Variants in SEMA3E observed in about 807,000 individuals in gnomAD.
SEMA3E encodes the protein semaphorin-3E.
SEMA3E carries 49 observed loss-of-function variants against 93.6 expected under a neutral mutation model. That is an observed-to-expected ratio of 0.52 (90% CI 0.42 to 0.66). The LOEUF is 0.66. Ranked by LOEUF, SEMA3E falls within the 30% of genes least tolerant of loss-of-function variation. The pLI, the probability that SEMA3E is intolerant of heterozygous loss-of-function variation, is 0.00. For synonymous variants in SEMA3E, 363 were observed against 330.7 expected (o/e 1.10, Z -1.06); for missense variants, 906 against 964.8 (o/e 0.94, Z 0.81).
chr7:83,545,815 T>TTATATA (rs145965702), intron 1 of SEMA3E, among the ~76,000 whole-genome samples: 101 of 145,432 alleles, frequency 6.9e-4, no homozygotes, highest in Middle Eastern at 3.6e-3. Context: ...ATATCCAGTA[T>TTATATA]TATATATATA....
rs946062849 is a variant in SEMA3E at position 83,391,829 on chromosome 7, G to A, written c.1667+726C>T. On this transcript the variant is annotated intron_variant, in intron 14 of 16. Transcript: ENST00000643230. ...CAAACTGTTTTTCAGTAAGAAAATT[G>A]TCTATACTTCTATTGTTTGCTTTAT... Among the ~76,000 whole-genome samples the A allele has an allele frequency of 2.6e-5, 4 of 152,092 alleles. No individual in the cohort carries two copies. In the East Asian group the frequency reaches 7.7e-4, roughly 29 times the overall value.
At chr7:83,561,506 A>G (rs1247085005) in intron 1 of SEMA3E, among the ~76,000 whole-genome samples, 1 of 152,086 alleles carries the variant, frequency 6.6e-6, no homozygotes, top group Non-Finnish European at 1.5e-5. Flanking sequence ...TTCCTCTGGC[A>G]GAAAACTTTG....
chr7:83,513,764 T>C (rs949336371), intron 1 of SEMA3E, among the ~76,000 whole-genome samples: 9 of 152,170 alleles, frequency 5.9e-5, no homozygotes, highest in Admixed American at 1.3e-4. Flanking sequence ...GGTTTTCAAA[T>C]ATTAATAAAT....
chr7:83,527,256 C>T (rs915528698), intron 1 of SEMA3E, among the ~76,000 whole-genome samples: 2 of 152,104 alleles, frequency 1.3e-5, no homozygotes, highest in African/African-American at 2.4e-5. Context: ...TAATTTTGGA[C>T]TTCCAGCCTC....
At chr7:83,566,494 T>A (rs1479978317) in intron 1 of SEMA3E, among the ~76,000 whole-genome samples, 1 of 152,170 alleles carries the variant, frequency 6.6e-6, no homozygotes, top group Non-Finnish European at 1.5e-5. Flanking sequence ...TATACAATTT[T>A]TAATATGACC....
intron 1 of SEMA3E, among the ~76,000 whole-genome samples, chr7:83,577,224 A>G (rs549884652): frequency 1.3e-5 from 2 of 152,324 alleles, no homozygotes; most frequent in African/African-American, 4.8e-5. Flanking sequence ...AAACAGATAG[A>G]TAGATAGACA....
intron 1 of SEMA3E, among the ~76,000 whole-genome samples, chr7:83,583,012 T>C (rs2115916408): frequency 6.6e-6 from 1 of 152,236 alleles, no homozygotes; most frequent in Admixed American, 6.6e-5. Context: ...ATTATTATAG[T>C]AACATTACTT....
chr7:83,497,305 C>G (rs909754335), intron 1 of SEMA3E, among the ~76,000 whole-genome samples: 1 of 152,056 alleles, frequency 6.6e-6, no homozygotes, highest in African/African-American at 2.4e-5. Flanking sequence ...AGCTCTCAAA[C>G]AAAAATAGAT....
intron 5 of SEMA3E, among the ~76,000 whole-genome samples, chr7:83,417,604 A>G (rs1329452050): frequency 6.6e-6 from 1 of 152,078 alleles, no homozygotes; most frequent in Non-Finnish European, 1.5e-5. Context: ...AGGGAAGAAA[A>G]TCACTTCCAT....
At chr7:83,594,989 G>T (rs903850166) in intron 1 of SEMA3E, among the ~76,000 whole-genome samples, 3 of 150,600 alleles carry the variant, frequency 2.0e-5, no homozygotes, top group Non-Finnish European at 4.4e-5. Context: ...TTTAAAGACA[G>T]AAATTAGTAG....
At chr7:83,526,429 A>T (rs1791160906) in intron 1 of SEMA3E, among the ~76,000 whole-genome samples, 1 of 152,144 alleles carries the variant, frequency 6.6e-6, no homozygotes, top group Non-Finnish European at 1.5e-5. Context: ...GAGGAAGTAG[A>T]AAGGTTATAT....
chr7:83,378,424 T>A (rs2116906575), intron 16 of SEMA3E, among the ~76,000 whole-genome samples: 1 of 151,976 alleles, frequency 6.6e-6, no homozygotes, highest in South Asian at 2.1e-4. Flanking sequence ...CATGACCAAG[T>A]CACCTTTTTA....
At chr7:83,575,734 T>A (rs1792387473) in intron 1 of SEMA3E, among the ~76,000 whole-genome samples, 1 of 152,196 alleles carries the variant, frequency 6.6e-6, no homozygotes, top group African/African-American at 2.4e-5. Context: ...CTTTGGTTTT[T>A]CTAGCTTTTG....
rs748733436 is a variant in SEMA3E at position 83,367,567 on chromosome 7, A to G, written c.*19T>C. The G allele has an allele frequency of 7.4e-6, 12 of 1,611,086 alleles. No homozygotes were observed. Among genetic ancestry groups the G allele is most frequent in the Non-Finnish European group, 1.0e-5 (12 of 1,177,374 alleles). The stretch of plus-strand genomic sequence containing the variant: ...TCCAAATATAAATTCTTCAAAAGAC[A>G]GTAGATAGTCTCACCCCATCAGGAG... On this transcript the variant is annotated 3_prime_UTR_variant, in exon 17 of 17. Transcript: ENST00000643230.
chr7:83,542,841 A>G (rs1318691643), intron 1 of SEMA3E, among the ~76,000 whole-genome samples: 1 of 152,138 alleles, frequency 6.6e-6, no homozygotes, highest in Non-Finnish European at 1.5e-5. Context: ...CTAATTCACT[A>G]TAACTGTTAC....
chr7:83,434,735 A>T (rs1427628565), intron 4 of SEMA3E, among the ~76,000 whole-genome samples: 2 of 122,264 alleles, frequency 1.6e-5, no homozygotes, highest in Non-Finnish European at 3.2e-5. Context: ...TTTTTTTGAG[A>T]CGGAGTCTCG....
At chr7:83,493,346 A>G (rs1790421749) in intron 1 of SEMA3E, among the ~76,000 whole-genome samples, 2 of 151,942 alleles carry the variant, frequency 1.3e-5, no homozygotes, top group African/African-American at 4.8e-5. Flanking sequence ...CTAAATGATT[A>G]TAATGTCAGT....
At chr7:83,425,850 T>C (rs1190515066) in intron 4 of SEMA3E, among the ~76,000 whole-genome samples, 1 of 151,936 alleles carries the variant, frequency 6.6e-6, no homozygotes, top group Non-Finnish European at 1.5e-5. Context: ...CCAACAAAGG[T>C]TTAATATCCA....
At chr7:83,501,516 G>A (rs1018282211) in intron 1 of SEMA3E, among the ~76,000 whole-genome samples, 28 of 152,166 alleles carry the variant, frequency 1.8e-4, no homozygotes, top group African/African-American at 5.5e-4. Flanking sequence ...GCAGTGGCAC[G>A]ATCTTGGCTT....
Sources: gnomAD v4.1 joint callset for allele counts (sites outside exome capture counted in the v4.1 genomes callset) on GRCh38, gnomAD v4.1.1 for gene constraint, MANE v1.5 for transcripts, NCBI Gene and HGNC (gene_info 2026-07-23, HGNC 2026-07-21) for gene names.